Variants in FAF1 observed in about 807,000 individuals in gnomAD.
The protein encoded by FAF1 is Fas associated factor 1, also known as FAS-associated factor 1.
FAF1 carries 25 observed loss-of-function variants against 92.5 expected under a neutral mutation model. The ratio of observed to expected loss-of-function variants is 0.27; its 90% confidence interval spans 0.20 to 0.38. The LOEUF is 0.38. Among genes scored for constraint, FAF1 ranks in the 10% least tolerant of loss-of-function variants. The pLI is 1.00. For missense variants in FAF1, 636 were observed against 793.3 expected (o/e 0.80, Z 2.38); for synonymous variants, 234 against 273.2 (o/e 0.86, Z 1.42).
intron 2 of FAF1, among the ~76,000 whole-genome samples, chr1:50,855,424 G>C (rs1294278381): frequency 6.6e-6 from 1 of 151,716 alleles, no homozygotes; most frequent in Non-Finnish European, 1.5e-5. Flanking sequence ...AAAAACACTG[G>C]AGAAGAGGTC....
At chr1:50,920,249 C>G (rs912165100) in intron 1 of FAF1, among the ~76,000 whole-genome samples, 2 of 151,452 alleles carry the variant, frequency 1.3e-5, no homozygotes, top group Non-Finnish European at 2.9e-5. Flanking sequence ...TTGCAGTGAG[C>G]CAAGATCGCG....
intron 1 of FAF1, among the ~76,000 whole-genome samples, chr1:50,896,283 TAA>T (rs1022287318): frequency 2.7e-5 from 4 of 150,594 alleles, no homozygotes; most frequent in African/African-American, 7.3e-5. Flanking sequence ...AGACCCTGTC[TAA>T]AAAAAAAGAG....
At chr1:50,627,938 G>T (rs1271151620) in intron 8 of FAF1, among the ~76,000 whole-genome samples, 1 of 152,008 alleles carries the variant, frequency 6.6e-6, no homozygotes, top group Non-Finnish European at 1.5e-5. Context: ...AAGCTATTCT[G>T]GTGGAGAAAC....
chr1:50,924,854 G>C (rs1386971799), intron 1 of FAF1, among the ~76,000 whole-genome samples: 1 of 152,062 alleles, frequency 6.6e-6, no homozygotes, highest in Non-Finnish European at 1.5e-5. Context: ...GTGGTGTTGG[G>C]CACCTGTAAT....
At chr1:50,732,311 G>A (rs1234606661) in intron 6 of FAF1, among the ~76,000 whole-genome samples, 1 of 151,988 alleles carries the variant, frequency 6.6e-6, no homozygotes, top group Non-Finnish European at 1.5e-5. Flanking sequence ...TCCTGATCTC[G>A]TGATCTGCCC....
chr1:50,940,873 T>C (rs1645127148), intron 1 of FAF1, among the ~76,000 whole-genome samples: 2 of 152,116 alleles, frequency 1.3e-5, no homozygotes, highest in African/African-American at 4.8e-5. Flanking sequence ...TGTTTCTCCA[T>C]CTCTCTATTA....
chr1:50,825,093 G>C (rs1275511015), intron 2 of FAF1, among the ~76,000 whole-genome samples: 1 of 152,108 alleles, frequency 6.6e-6, no homozygotes, highest in Non-Finnish European at 1.5e-5. Context: ...AAAATAGCTA[G>C]AAGAGAAGAT....
intron 3 of FAF1, among the ~76,000 whole-genome samples, chr1:50,790,380 T>A (rs1177118655): frequency 6.6e-6 from 1 of 152,114 alleles, no homozygotes; most frequent in African/African-American, 2.4e-5. Flanking sequence ...GACCTCATGA[T>A]CCGCCTGCCT....
intron 15 of FAF1, among the ~76,000 whole-genome samples, chr1:50,506,939 T>C (rs1422813084): frequency 1.3e-5 from 2 of 152,180 alleles, no homozygotes; most frequent in Non-Finnish European, 2.9e-5. Flanking sequence ...ATTACTGCCA[T>C]TACCTCTATC....
At chr1:50,773,220 G>C (rs1660833646) in intron 4 of FAF1, among the ~76,000 whole-genome samples, 1 of 152,188 alleles carries the variant, frequency 6.6e-6, no homozygotes, top group African/African-American at 2.4e-5. Flanking sequence ...GCTTCAGTGG[G>C]GCATGACTGC....
chr1:50,861,710 G>A (rs1644434357), intron 1 of FAF1, among the ~76,000 whole-genome samples: 1 of 151,494 alleles, frequency 6.6e-6, no homozygotes. Context: ...AAAATAAAAA[G>A]TTATTTAAAA....
At chr1:50,732,111 G>A (rs1041726083) in intron 6 of FAF1, among the ~76,000 whole-genome samples, 3 of 151,950 alleles carry the variant, frequency 2.0e-5, no homozygotes, top group African/African-American at 7.3e-5. Context: ...GTCTGGCTCT[G>A]TCGCCCAGGC....
intron 4 of FAF1, among the ~76,000 whole-genome samples, chr1:50,760,454 A>G (rs1660278815): frequency 1.3e-5 from 2 of 152,214 alleles, no homozygotes; most frequent in South Asian, 4.1e-4. Flanking sequence ...TCTCCTCTGC[A>G]AATGTAAAAG....
chr1:50,503,653 A>C (rs796694747), intron 15 of FAF1, among the ~76,000 whole-genome samples: 1 of 152,198 alleles, frequency 6.6e-6, no homozygotes, highest in Middle Eastern at 3.4e-3. Flanking sequence ...CCAAAACAAA[A>C]AAAAAAGTAA....
chr1:50,478,285 T>A (rs1474847228), intron 17 of FAF1, among the ~76,000 whole-genome samples: 1 of 151,494 alleles, frequency 6.6e-6, no homozygotes, highest in East Asian at 2.0e-4. Context: ...CACCTCAGCC[T>A]CCCGAGTAGC....
chr1:50,490,267 G>A (rs1272816601), intron 17 of FAF1, among the ~76,000 whole-genome samples: 1 of 152,078 alleles, frequency 6.6e-6, no homozygotes, highest in Non-Finnish European at 1.5e-5. Context: ...GGCTGAGGCA[G>A]GAGAATCACT....
At chr1:50,846,245 CAA>C (rs75791117) in intron 2 of FAF1, among the ~76,000 whole-genome samples, 5 of 134,074 alleles carry the variant, frequency 3.7e-5, no homozygotes, top group Admixed American at 7.5e-5. Flanking sequence ...ACAATGCATA[CAA>C]AAAAAAAAAA....
chr1:50,662,395 G>C (rs1224561289), intron 7 of FAF1, among the ~76,000 whole-genome samples: 1 of 151,984 alleles, frequency 6.6e-6, no homozygotes, highest in African/African-American at 2.4e-5. Flanking sequence ...ACTCTTACTT[G>C]GCTATAAAGA....
chr1:50,768,081 A>G (rs1285005963), intron 4 of FAF1, among the ~76,000 whole-genome samples: 1 of 152,200 alleles, frequency 6.6e-6, no homozygotes, highest in African/African-American at 2.4e-5. Context: ...CCCACTGGCT[A>G]AAAGTAAAGG....
Sources: allele counts gnomAD v4.1 joint callset (sites outside exome capture counted in the v4.1 genomes callset), GRCh38; gene constraint gnomAD v4.1.1; transcripts MANE v1.5; gene names NCBI Gene and HGNC (gene_info 2026-07-23, HGNC 2026-07-21).